The following SVOPL variants were observed in gnomAD, a reference collection of about 807,000 sequenced individuals.
The protein encoded by SVOPL is putative transporter SVOPL.
Under a neutral mutation model 61.0 loss-of-function variants are expected in SVOPL, and 60 were observed. The observed-to-expected ratio is 0.98, with a 90% CI of 0.80 to 1.22. The LOEUF (loss-of-function observed/expected upper bound fraction) is 1.22. SVOPL is among the 50% of genes most tolerant of loss of function. The probability of loss-of-function intolerance (pLI) is 0.00; values close to 1 mark genes in which losing one functional copy is unlikely to be tolerated. For missense variants in SVOPL, 662 were observed against 643.9 expected (o/e 1.03, Z -0.30); for synonymous variants, 279 against 250.0 (o/e 1.12, Z -1.09).
chr7:138,639,192 T>C (rs1168920149), intron 9 of SVOPL, among the ~76,000 whole-genome samples: 5 of 151,758 alleles, frequency 3.3e-5, no homozygotes, highest in Non-Finnish European at 1.5e-5. Context: ...GAGGCGAAGG[T>C]TGCAGTGAGC....
intron 1 of SVOPL, among the ~76,000 whole-genome samples, chr7:138,690,803 C>T (rs1243201021): frequency 1.1e-4 from 16 of 151,578 alleles, no homozygotes; most frequent in South Asian, 2.1e-4. Flanking sequence ...GACAGAGTCT[C>T]ACTCTGTTGC....
intron 7 of SVOPL, among the ~76,000 whole-genome samples, chr7:138,650,049 C>T (rs1801342662): frequency 6.6e-6 from 1 of 152,148 alleles, no homozygotes; most frequent in South Asian, 2.1e-4. Flanking sequence ...TCAGGCTGGT[C>T]TCAAACTCCT....
intron 10 of SVOPL, among the ~76,000 whole-genome samples, chr7:138,629,354 C>G (rs1376540666): frequency 6.6e-6 from 1 of 151,874 alleles, no homozygotes; most frequent in Admixed American, 6.6e-5. Flanking sequence ...CCTCAGCCTC[C>G]CAAGTAGCTG....
intron 14 of SVOPL, among the ~76,000 whole-genome samples, chr7:138,611,542 G>T (rs1038695181): frequency 1.3e-5 from 2 of 152,050 alleles, no homozygotes; most frequent in African/African-American, 4.8e-5. Context: ...AAATTAAATG[G>T]ATGTAATTTG....
intron 7 of SVOPL, among the ~76,000 whole-genome samples, chr7:138,655,725 AATATAG>A (rs896283214): frequency 3.5e-4 from 52 of 150,622 alleles, no homozygotes; most frequent in African/African-American, 1.2e-3. Flanking sequence ...ATATTTGTGT[AATATAG>A]ATATATATTC....
intron 14 of SVOPL, among the ~76,000 whole-genome samples, chr7:138,620,146 A>G (rs1337428173): frequency 1.0e-5 from 1 of 98,318 alleles, no homozygotes; most frequent in Non-Finnish European, 1.9e-5. Flanking sequence ...TTTTTGAGAT[A>G]GAGTCTCACT....
In SVOPL at chr7:138,596,352, C is replaced by T. The variant is rs1798277291; in HGVS notation, c.1467+65G>A. On this transcript the variant is annotated intron_variant, in intron 15 of 15. Transcript: ENST00000674285. ...TTTAACTACAATGATGCCCATATAC[C>T]AAGTTCATTTGCTCTGGGCAAAAGT... is the stretch of plus-strand genomic sequence containing the variant. 7 of 1,389,602 alleles carry T rather than the reference C, an allele frequency of 5.0e-6. No homozygotes were observed. In the South Asian group the frequency reaches 8.7e-5, roughly 17 times the overall value. The allele number at this position is 1,389,602 out of a possible 1,614,324, so 86.1% of individuals were successfully genotyped here. A position where few individuals can be genotyped will look rare whatever the true frequency, so the allele number is the denominator to read the frequency against.
chr7:138,659,703 C>A (rs1421459916), intron 6 of SVOPL, among the ~76,000 whole-genome samples, 161 bp downstream of exon 6: 3 of 152,062 alleles, frequency 2.0e-5, no homozygotes, highest in Non-Finnish European at 2.9e-5. Flanking sequence ...GTCACAGCCA[C>A]ATCCTTAACT....
intron 9 of SVOPL, among the ~76,000 whole-genome samples, chr7:138,641,834 A>AT (rs1554464902): frequency 0.067 from 1,957 of 29,270 alleles, 27 homozygotes; most frequent in East Asian, 0.36. Context: ...ATATATATAT[A>AT]ACATATATAT....
chr7:138,662,041 G>C (rs879068347), intron 5 of SVOPL: 3 of 985,338 alleles, frequency 3.0e-6, no homozygotes, highest in Non-Finnish European at 3.6e-6. Context: ...GAGTCTTTCT[G>C]AATCTGGCCC....
At chr7:138,646,169 A>G (rs891368167) in intron 8 of SVOPL, 3 of 202,704 alleles carry the variant, frequency 1.5e-5, no homozygotes, top group Non-Finnish European at 1.0e-5. Context: ...CTCGGCTCCT[A>G]GAGTGCTTAG....
intron 8 of SVOPL, among the ~76,000 whole-genome samples, chr7:138,645,940 T>C (rs559329363): frequency 2.5e-3 from 383 of 152,170 alleles, no homozygotes; most frequent in African/African-American, 8.7e-3. Context: ...CTCAGCCTCC[T>C]GAGTAGTTGG....
At chr7:138,615,916 A>G (rs1037055782) in intron 14 of SVOPL, among the ~76,000 whole-genome samples, 29 of 152,296 alleles carry the variant, frequency 1.9e-4, no homozygotes, top group Admixed American at 5.9e-4. Context: ...ATGTGAGGAC[A>G]CAAGAAGGTA....
chr7:138,693,676 C>T (rs910953551), intron 1 of SVOPL, among the ~76,000 whole-genome samples: 9 of 146,674 alleles, frequency 6.1e-5, no homozygotes, highest in African/African-American at 1.0e-4. Flanking sequence ...AGGGAGGGAG[C>T]GAGGAAGGAA....
chr7:138,639,826 G>A (rs1800692050), intron 9 of SVOPL, among the ~76,000 whole-genome samples: 1 of 151,954 alleles, frequency 6.6e-6, no homozygotes, highest in African/African-American at 2.4e-5. Flanking sequence ...ATAGCTCACT[G>A]TAGCCTCAAC....
At chr7:138,626,465 T>C (rs1354582909) in intron 12 of SVOPL, among the ~76,000 whole-genome samples, 1 of 152,106 alleles carries the variant, frequency 6.6e-6, no homozygotes, top group Non-Finnish European at 1.5e-5. Context: ...CAATCATGGC[T>C]CACTGCAGCC....
At chr7:138,638,125 T>C (rs1288316371) in intron 9 of SVOPL, among the ~76,000 whole-genome samples, 1 of 151,266 alleles carries the variant, frequency 6.6e-6, no homozygotes, top group East Asian at 1.9e-4. Context: ...ATATAAAAAT[T>C]AAGTGGGTGT....
intron 14 of SVOPL, among the ~76,000 whole-genome samples, chr7:138,614,065 A>G (rs1438130201): frequency 6.6e-6 from 1 of 152,240 alleles, no homozygotes; most frequent in East Asian, 1.9e-4. Context: ...TTGAACATTC[A>G]GTTGGGATAA....
chr7:138,699,464 T>A (rs940396995), intron 1 of SVOPL, among the ~76,000 whole-genome samples: 4 of 152,140 alleles, frequency 2.6e-5, no homozygotes, highest in Non-Finnish European at 5.9e-5. Flanking sequence ...AAGTCACTTG[T>A]TTTCTAAACT....
Sources: allele counts gnomAD v4.1 joint callset (sites outside exome capture counted in the v4.1 genomes callset), GRCh38; gene constraint gnomAD v4.1.1; transcripts MANE v1.5; gene names NCBI Gene and HGNC (gene_info 2026-07-23, HGNC 2026-07-21).